Variants in CALN1 observed in about 807,000 individuals in gnomAD.
CALN1 encodes calcium-binding protein 8.
CALN1 carries 17 observed loss-of-function variants against 30.6 expected under a neutral mutation model. The ratio of observed to expected loss-of-function variants is 0.56; its 90% confidence interval spans 0.38 to 0.83. The LOEUF (loss-of-function observed/expected upper bound fraction) is 0.83, where lower values mean the gene tolerates loss of function less well. Among genes scored for constraint, CALN1 ranks in the 40% least tolerant of loss-of-function variants. The pLI is 0.00. For synonymous variants in CALN1, 156 were observed against 131.4 expected (o/e 1.19, Z -1.28); for missense variants, 291 against 354.9 (o/e 0.82, Z 1.45).
At chr7:72,180,607 C>T (rs201107313) in intron 3 of CALN1, among the ~76,000 whole-genome samples, 1,101 of 89,092 alleles carry the variant, frequency 0.012, no homozygotes, top group Middle Eastern at 0.041. Flanking sequence ...GCTTTTTTTT[C>T]TTTTTTTTTT....
rs968831642 is a variant in CALN1, at chr7:72,190,085, G to T, written c.245-83791C>A. Among the ~76,000 whole-genome samples the T allele has an allele frequency of 3.3e-5, 5 of 152,342 alleles. No homozygotes were observed. In the East Asian group the frequency reaches 9.6e-4, roughly 29 times the overall value. Reference sequence around the variant, plus strand: ...AAAACAAAACAAACTGCCAGGTGCAGTGGTTCATGCCTGTAATCCCAGCAT... The same window carrying T: ...AAAACAAAACAAACTGCCAGGTGCATTGGTTCATGCCTGTAATCCCAGCAT... On this transcript the variant is annotated intron_variant, in intron 3 of 6. Transcript: ENST00000395275.
chr7:72,244,239 C>A (rs140677711), intron 3 of CALN1, among the ~76,000 whole-genome samples: 1 of 152,294 alleles, frequency 6.6e-6, no homozygotes, highest in Non-Finnish European at 1.5e-5. Flanking sequence ...TGGCATATAG[C>A]AGATGTTCAG....
intron 5 of CALN1, among the ~76,000 whole-genome samples, chr7:71,839,778 A>T (rs1789826102): frequency 1.3e-5 from 2 of 152,160 alleles, no homozygotes; most frequent in South Asian, 4.2e-4. Context: ...ATCTCAAGGC[A>T]CTAATTACAA....
chr7:72,047,877 A>G (rs1424456743), intron 4 of CALN1, among the ~76,000 whole-genome samples: 4 of 152,262 alleles, frequency 2.6e-5, no homozygotes, highest in Non-Finnish European at 5.9e-5. Context: ...GTGTGTGTTA[A>G]AAACGGGAAA....
At chr7:72,441,243 A>G (rs2129564397) in intron 1 of CALN1, among the ~76,000 whole-genome samples, 1 of 152,260 alleles carries the variant, frequency 6.6e-6, no homozygotes, top group South Asian at 2.1e-4. Context: ...AAGATGAGAA[A>G]GATCTGAGCA....
At chr7:72,321,342 A>C (rs1455018786) in intron 2 of CALN1, among the ~76,000 whole-genome samples, 3 of 152,232 alleles carry the variant, frequency 2.0e-5, no homozygotes, top group Non-Finnish European at 4.4e-5. Context: ...ACAACTTATT[A>C]GTCATCACGC....
At position 72,217,381 on chromosome 7, in the gene CALN1, C is replaced by A. The variant is rs996609538; in HGVS notation, c.244+61305G>T. Among the ~76,000 whole-genome samples the A allele has an allele frequency of 3.9e-5, 6 of 152,196 alleles. No homozygotes were observed. In the East Asian group the frequency reaches 1.2e-3, roughly 29 times the overall value. ...CTCTTGGAGTATGACTAACACCAGC[C>A]CCAAACATGATTATAGAAAACAACT... On this transcript the variant is annotated intron_variant, in intron 3 of 6. Transcript: ENST00000395275.
At chr7:72,312,379 T>G (rs1585445471) in intron 2 of CALN1, among the ~76,000 whole-genome samples, 1 of 131,854 alleles carries the variant, frequency 7.6e-6, no homozygotes, top group Admixed American at 8.7e-5. Context: ...GACAACAGAG[T>G]GAGACTTCAT....
At chr7:72,189,400 A>G (rs1790444848) in intron 3 of CALN1, among the ~76,000 whole-genome samples, 2 of 152,364 alleles carry the variant, frequency 1.3e-5, no homozygotes, top group East Asian at 1.9e-4. Flanking sequence ...GGTGTCAAAG[A>G]GGACTTTATT....
Position 71,847,840 on chromosome 7 carries a change from G to GAA in CALN1, c.502-37349_502-37348insTT, listed in dbSNP as rs1185511944. Among the ~76,000 whole-genome samples the GAA allele has an allele frequency of 1.8e-3, 194 of 105,592 alleles. 1 individual carries two copies. The highest frequency in any genetic ancestry group is 8.9e-3 in the African/African-American group (172 of 19,308). 69.3% of individuals were successfully genotyped at this position (105,592 alleles called of 152,430 possible). ...AGGAGAAGGAGAAGGAGAAGGAGAA[G>GAA]GAGAAGGAGAAGAAGAAGAGGAAAG... On this transcript the variant is annotated intron_variant, in intron 5 of 6. Transcript: ENST00000395275.
rs552151855 is a variant in CALN1, at chr7:72,336,444, C to T, written c.120-57634G>A. On this transcript the variant is annotated intron_variant, in intron 2 of 6. Transcript: ENST00000395275. ...AGTCCGCCGCGGCCCTTCCCTAGCCCCACGTCCCCAGGCAGGCGGCCAGGA... is the reference window on the plus strand; with the variant it reads ...AGTCCGCCGCGGCCCTTCCCTAGCCTCACGTCCCCAGGCAGGCGGCCAGGA... Among the ~76,000 whole-genome samples the T allele has an allele frequency of 7.9e-5, 12 of 152,170 alleles. No homozygotes were observed. The South Asian group carries it at 2.5e-3, about 32-fold the overall frequency.
chr7:71,852,945 A>G (rs530569925), intron 5 of CALN1, among the ~76,000 whole-genome samples: 2 of 152,358 alleles, frequency 1.3e-5, no homozygotes, highest in South Asian at 4.1e-4. Flanking sequence ...CTTTAAAAAT[A>G]TATTTAATAT....
intron 3 of CALN1, among the ~76,000 whole-genome samples, chr7:72,173,894 C>T (rs1223771763): frequency 1.4e-5 from 2 of 138,578 alleles, no homozygotes; most frequent in East Asian, 3.9e-4. Context: ...ATCTAGATAG[C>T]ACACAAAAAG....
intron 1 of CALN1, among the ~76,000 whole-genome samples, chr7:72,418,622 C>CA (rs1417323208): frequency 2.0e-5 from 3 of 152,052 alleles, no homozygotes; most frequent in African/African-American, 2.4e-5. Flanking sequence ...GCTTCCCCGC[C>CA]CCGGCTCACA....
chr7:72,400,727 G>A (rs748803885), intron 2 of CALN1, among the ~76,000 whole-genome samples: 1 of 152,170 alleles, frequency 6.6e-6, no homozygotes, highest in Non-Finnish European at 1.5e-5. Context: ...AAATTAGCTG[G>A]GTTTGGTGGT....
intron 4 of CALN1, among the ~76,000 whole-genome samples, chr7:72,056,086 T>G (rs893229566): frequency 6.6e-6 from 1 of 152,170 alleles, no homozygotes; most frequent in African/African-American, 2.4e-5. Flanking sequence ...GATATATTTT[T>G]AAAGCCTTTA....
At chr7:72,016,211 T>C (rs1369615913) in intron 5 of CALN1, among the ~76,000 whole-genome samples, 3 of 138,504 alleles carry the variant, frequency 2.2e-5, no homozygotes, top group Admixed American at 7.7e-5. Context: ...ATTGCGCCCC[T>C]GCACTCCAGC....
At chr7:72,206,543 GCTTAT>G (rs1406336524) in intron 3 of CALN1, among the ~76,000 whole-genome samples, 1 of 152,152 alleles carries the variant, frequency 6.6e-6, no homozygotes, top group East Asian at 1.9e-4. Flanking sequence ...TATCCTACAA[GCTTAT>G]CTTTTTTTGT....
intron 5 of CALN1, among the ~76,000 whole-genome samples, chr7:71,850,744 A>ATT (rs1790590814): frequency 6.6e-6 from 1 of 152,224 alleles, no homozygotes; most frequent in African/African-American, 2.4e-5. Flanking sequence ...GAACAATACA[A>ATT]TTAGCTCTTA....
Sources: gnomAD v4.1 joint callset for allele counts (sites outside exome capture counted in the v4.1 genomes callset) on GRCh38, gnomAD v4.1.1 for gene constraint, MANE v1.5 for transcripts, NCBI Gene and HGNC (gene_info 2026-07-23, HGNC 2026-07-21) for gene names.